The following BMPR1A variants were observed in gnomAD, a reference collection of about 807,000 sequenced individuals.
The protein encoded by BMPR1A is bone morphogenetic protein receptor type-1A.
Under a neutral mutation model 66.0 loss-of-function variants are expected in BMPR1A, and 7 were observed. That is an observed-to-expected ratio of 0.11 (90% CI 0.06 to 0.20). The LOEUF (loss-of-function observed/expected upper bound fraction) is 0.20. Among genes scored for constraint, BMPR1A ranks in the 10% least tolerant of loss-of-function variants. The pLI is 1.00. For synonymous variants in BMPR1A, 200 were observed against 229.7 expected (o/e 0.87, Z 1.17); for missense variants, 408 against 669.1 (o/e 0.61, Z 4.31).
intron 2 of BMPR1A, among the ~76,000 whole-genome samples, chr10:86,865,733 A>G (rs570022459): frequency 6.6e-6 from 1 of 152,334 alleles, no homozygotes; most frequent in South Asian, 2.1e-4. Context: ...TTTATTTTGA[A>G]GGATTGTCCC....
chr10:86,784,634 G>C (rs1841491890), intron 1 of BMPR1A, among the ~76,000 whole-genome samples: 1 of 152,016 alleles, frequency 6.6e-6, no homozygotes, highest in African/African-American at 2.4e-5. Context: ...TCTGGTCCTG[G>C]GCTTTTTTTG....
intron 1 of BMPR1A, among the ~76,000 whole-genome samples, chr10:86,833,367 G>T (rs553684430): frequency 6.6e-6 from 1 of 152,262 alleles, no homozygotes; most frequent in South Asian, 2.1e-4. Context: ...ATGAATAGAG[G>T]TAAGAATGGA....
chr10:86,767,444 G>A lies in BMPR1A; in HGVS notation c.-268+10525G>A, dbSNP rs185426967. 1.0e-4 allele frequency among the ~76,000 whole-genome samples: 15 copies of A among 147,254 alleles called. No homozygotes were observed. In the East Asian group the frequency reaches 2.3e-3, roughly 23 times the overall value. The stretch of plus-strand genomic sequence containing the variant: ...TTGTAATCCCAGCACTTTGGGTGGC[G>A]GAGGCAGGAGGATCACTTGAGCCTA... On this transcript the variant is annotated intron_variant, in intron 1 of 12. Transcript: ENST00000372037.
chr10:86,854,435 A>G (rs1842613170), intron 2 of BMPR1A, among the ~76,000 whole-genome samples: 2 of 152,366 alleles, frequency 1.3e-5, no homozygotes, highest in South Asian at 4.1e-4. Flanking sequence ...TGAGGAAGTG[A>G]TAAGTGTCCA....
chr10:86,779,215 C>G (rs1173076860), intron 1 of BMPR1A, among the ~76,000 whole-genome samples: 2 of 152,132 alleles, frequency 1.3e-5, no homozygotes, highest in Non-Finnish European at 2.9e-5. Flanking sequence ...GCAGATGTGC[C>G]TTCAACAGAA....
chr10:86,890,047 CA>C lies in BMPR1A; in HGVS notation c.68-14del. On this transcript the variant is annotated splice_polypyrimidine_tract_variant and intron_variant, in intron 3 of 12. Coordinates refer to ENST00000372037, the MANE Select transcript of BMPR1A (RefSeq NM_004329.3). The stretch of plus-strand genomic sequence containing the variant: ...TCAGAAATGATTTACTTACAAATTC[CA>C]TATTTGAATGCAGGACAGAATCTGG... The C allele has an allele frequency of 6.2e-7, 1 of 1,611,896 alleles. No individual in the cohort carries two copies. Among genetic ancestry groups the C allele is most frequent in the Non-Finnish European group, 8.5e-7 (1 of 1,179,706 alleles).
chr10:86,768,507 C>T (rs777066965), intron 1 of BMPR1A, among the ~76,000 whole-genome samples: 21 of 152,070 alleles, frequency 1.4e-4, no homozygotes, highest in Non-Finnish European at 2.8e-4. Context: ...AGCATTTTAT[C>T]AATTTGCATA....
intron 2 of BMPR1A, among the ~76,000 whole-genome samples, chr10:86,844,623 AAC>A (rs1304295558): frequency 6.6e-6 from 1 of 152,232 alleles, no homozygotes. Flanking sequence ...AATATTTAGA[AAC>A]AGTCTAATAC....
intron 1 of BMPR1A, among the ~76,000 whole-genome samples, chr10:86,782,318 T>G (rs1242638249): frequency 6.6e-6 from 1 of 152,190 alleles, no homozygotes; most frequent in African/African-American, 2.4e-5. Flanking sequence ...CTCTTCGAGA[T>G]CCTGTTTTCA....
In BMPR1A at chr10:86,851,320, T is replaced by C. The variant is rs530562912; in HGVS notation, c.-153+12341T>C. Among the ~76,000 whole-genome samples, 4 of 152,366 alleles carry C rather than the reference T, an allele frequency of 2.6e-5. No individual in the cohort carries two copies. In the South Asian group the frequency reaches 8.3e-4, roughly 32 times the overall value. ...TATTGCCCTTAGCAAGTTATTACTA[T>C]TTTTTATTTCTTAAATTTATTTATT... On this transcript the variant is annotated intron_variant, in intron 2 of 12. Coordinates refer to ENST00000372037, the MANE Select transcript of BMPR1A (RefSeq NM_004329.3).
At chr10:86,852,246 T>G (rs563831608) in intron 2 of BMPR1A, among the ~76,000 whole-genome samples, 4 of 152,278 alleles carry the variant, frequency 2.6e-5, no homozygotes, top group Admixed American at 2.6e-4. Flanking sequence ...CGAGAAAGCA[T>G]GTAGGAAGTG....
Position 86,828,734 on chromosome 10 carries a change from T to C in BMPR1A, c.-267-10131T>C, listed in dbSNP as rs536442885. On this transcript the variant is annotated intron_variant, in intron 1 of 12. Coordinates refer to ENST00000372037, the MANE Select transcript of BMPR1A (RefSeq NM_004329.3). ...AAGCTTGTTCCATGGGACATTTACC[T>C]ATTAGCTAATAAAACAAATGGTCTA... is the stretch of plus-strand genomic sequence containing the variant. Among the ~76,000 whole-genome samples the C allele has an allele frequency of 4.6e-5, 7 of 152,264 alleles. No homozygotes were observed. The South Asian group carries it at 1.5e-3, about 32-fold the overall frequency.
intron 1 of BMPR1A, among the ~76,000 whole-genome samples, chr10:86,760,542 G>C (rs1841033183): frequency 6.6e-6 from 1 of 151,978 alleles, no homozygotes; most frequent in African/African-American, 2.4e-5. Flanking sequence ...GGCCTTTATA[G>C]CAGTTTTTAT....
intron 5 of BMPR1A, 96 bp from the exon 6 acceptor site, chr10:86,899,698 C>A: frequency 2.3e-6 from 3 of 1,278,654 alleles, no homozygotes; most frequent in Non-Finnish European, 2.2e-6. Context: ...GCCCCTTTCA[C>A]TCACTGAAAT....
chr10:86,798,322 T>G (rs1320766975), intron 1 of BMPR1A, among the ~76,000 whole-genome samples: 2 of 152,226 alleles, frequency 1.3e-5, no homozygotes, highest in Non-Finnish European at 2.9e-5. Flanking sequence ...AGTTTTTACA[T>G]GTTATCAATA....
intron 1 of BMPR1A, among the ~76,000 whole-genome samples, chr10:86,792,253 A>G (rs757628274): frequency 3.8e-4 from 58 of 151,758 alleles, no homozygotes; most frequent in Non-Finnish European, 4.1e-4. Context: ...TTTTTAGTAG[A>G]GATGGGTTTC....
chr10:86,807,594 T>G (rs4284322), intron 1 of BMPR1A, among the ~76,000 whole-genome samples: 74,076 of 151,980 alleles, frequency 0.49, 19,174 homozygotes, highest in East Asian at 0.76. Context: ...TGTTGGCTAG[T>G]CTGGTCTTGA....
At chr10:86,799,012 G>A (rs1250420308) in intron 1 of BMPR1A, among the ~76,000 whole-genome samples, 1 of 152,192 alleles carries the variant, frequency 6.6e-6, no homozygotes, top group Non-Finnish European at 1.5e-5. Context: ...CCAAAAAGAA[G>A]AGCTGACTTC....
intron 8 of BMPR1A, 49 bp downstream of exon 8, chr10:86,912,433 T>C (rs773133592): frequency 6.2e-7 from 1 of 1,602,980 alleles, no homozygotes; most frequent in Non-Finnish European, 8.5e-7. Flanking sequence ...ATTTAGAATG[T>C]GTCCTCATGA....
Sources: gnomAD v4.1 joint callset for allele counts (sites outside exome capture counted in the v4.1 genomes callset) on GRCh38, gnomAD v4.1.1 for gene constraint, MANE v1.5 for transcripts, NCBI Gene and HGNC (gene_info 2026-07-23, HGNC 2026-07-21) for gene names.